The following RNFT2 variants were observed in gnomAD, a reference collection of about 807,000 sequenced individuals.
RNFT2 encodes E3 ubiquitin-protein ligase RNFT2.
A neutral mutation model predicts 53.0 loss-of-function variants in RNFT2; 36 were observed. The observed-to-expected ratio is 0.68, with a 90% CI of 0.52 to 0.90. The LOEUF is 0.90. RNFT2 is among the 40% of genes least tolerant of loss of function. The pLI is 0.00. For synonymous variants in RNFT2, 260 were observed against 253.2 expected, an observed-to-expected ratio of 1.03 and a Z score of -0.26; for missense variants, 514 against 585.6, an observed-to-expected ratio of 0.88 and a Z score of 1.26.
chr12:116,746,679 A>G (rs7312638), intron 3 of RNFT2, among the ~76,000 whole-genome samples: 115,615 of 151,990 alleles, frequency 0.76, 44,229 homozygotes, highest in East Asian at 0.99. Context: ...TGGAGTTTGG[A>G]GTCAAATAAT....
chr12:116,822,772 C>T (rs188933061), intron 7 of RNFT2, among the ~76,000 whole-genome samples: 10 of 152,094 alleles, frequency 6.6e-5, no homozygotes, highest in African/African-American at 1.9e-4. Flanking sequence ...GAGGCTGAGG[C>T]GGGCAGATCA....
At chr12:116,762,030 A>G (rs947675711) in intron 5 of RNFT2, among the ~76,000 whole-genome samples, 2 of 133,362 alleles carry the variant, frequency 1.5e-5, no homozygotes, top group Non-Finnish European at 3.1e-5. Flanking sequence ...TCACACCACC[A>G]CCCTCCAACC....
chr12:116,809,343 G>T (rs1227210806), intron 7 of RNFT2, among the ~76,000 whole-genome samples: 3 of 152,176 alleles, frequency 2.0e-5, no homozygotes, highest in African/African-American at 7.2e-5. Flanking sequence ...GAGAGGAGAG[G>T]TCCTTCCACT....
chr12:116,777,508 T>G (rs900138730), intron 6 of RNFT2, among the ~76,000 whole-genome samples: 1 of 152,206 alleles, frequency 6.6e-6, no homozygotes, highest in East Asian at 1.9e-4. Flanking sequence ...AGGTTTACAC[T>G]ACTCAGCTGT....
chr12:116,786,583 A>G (rs1214116293), intron 7 of RNFT2, among the ~76,000 whole-genome samples: 1 of 152,138 alleles, frequency 6.6e-6, no homozygotes, highest in South Asian at 2.1e-4. Context: ...TTCTGTCTAG[A>G]TTCTTTCTCA....
chr12:116,819,459 A>G (rs1875876325), intron 7 of RNFT2, among the ~76,000 whole-genome samples: 1 of 152,020 alleles, frequency 6.6e-6, no homozygotes, highest in South Asian at 2.1e-4. Context: ...CCATGAGATC[A>G]TGAGATGCCG....
chr12:116,823,422 A>G (rs1876157338), intron 7 of RNFT2, among the ~76,000 whole-genome samples: 1 of 152,214 alleles, frequency 6.6e-6, no homozygotes, highest in Admixed American at 6.5e-5. Context: ...GGTAGCTCAC[A>G]CCTGTAATCC....
intron 7 of RNFT2, among the ~76,000 whole-genome samples, chr12:116,805,121 C>CTTTTTTTTTTTTTTTTTT (rs35830752): frequency 7.0e-6 from 1 of 143,338 alleles, no homozygotes. Flanking sequence ...AAGACATTGT[C>CTTTTTTTTTTTTTTTTTT]TTTTTTTTTT....
In RNFT2 at chr12:116,852,847, G is replaced by T; in HGVS notation, c.*3399G>T. The stretch of plus-strand genomic sequence containing the variant: ...CCAGTGTATTACCTGCTGGAACCAA[G>T]GAAACTAACAATGTAGGTTACTAGT... On this transcript the variant is annotated 3_prime_UTR_variant, in exon 11 of 11. Coordinates refer to ENST00000257575, the MANE Select transcript of RNFT2 (RefSeq NM_001382266.1). The T allele has an allele frequency of 1.3e-6, 1 of 797,022 alleles. No homozygotes were observed. The allele number at this position is 797,022 out of a possible 1,614,324, so 49.4% of individuals were successfully genotyped here.
intron 3 of RNFT2, chr12:116,748,720 AG>A (rs1232826966): frequency 4.5e-6 from 2 of 441,422 alleles, no homozygotes; most frequent in Non-Finnish European, 9.0e-6. Context: ...AAGACTGCAG[AG>A]CCAGCGGTCC....
intron 7 of RNFT2, among the ~76,000 whole-genome samples, chr12:116,826,992 G>A (rs1876369857): frequency 6.6e-6 from 1 of 152,032 alleles, no homozygotes; most frequent in African/African-American, 2.4e-5. Flanking sequence ...AGGCCGAGGC[G>A]GGTGGATCAC....
intron 6 of RNFT2, among the ~76,000 whole-genome samples, chr12:116,769,458 G>T (rs949224790): frequency 9.9e-5 from 15 of 152,182 alleles, no homozygotes; most frequent in Non-Finnish European, 2.2e-4. Flanking sequence ...CTTCCAGTGG[G>T]ACAAGATGTG....
chr12:116,847,120 GCTGGT>G (rs1263383437), intron 10 of RNFT2, among the ~76,000 whole-genome samples: 1 of 151,974 alleles, frequency 6.6e-6, no homozygotes, highest in Non-Finnish European at 1.5e-5. Flanking sequence ...TGTTGGCCAG[GCTGGT>G]CTGAAACTCC....
At position 116,800,812 on chromosome 12, in the gene RNFT2, T is replaced by TTAAAATAAAATAAAATAAAATAAAA. The variant is rs3069310; in HGVS notation, c.882+21490_882+21514dup. 4.4e-3 allele frequency among the ~76,000 whole-genome samples: 511 copies of TTAAAATAAAATAAAATAAAATAAAA among 114,856 alleles called. 7 individuals carry two copies. The highest frequency in any genetic ancestry group is 6.8e-3 in the Non-Finnish European group (385 of 56,874). 75.3% of individuals were successfully genotyped at this position (114,856 alleles called of 152,430 possible). On this transcript the variant is annotated intron_variant, in intron 7 of 10. Transcript: ENST00000257575. The stretch of plus-strand genomic sequence containing the variant: ...CCAGGTGACAGAGCAAGACTCCATC[T>TTAAAATAAAATAAAATAAAATAAAA]TAAAATAAAATAAAATAAAATAAAA...
At chr12:116,775,633 C>T (rs1387151683) in intron 6 of RNFT2, among the ~76,000 whole-genome samples, 1 of 152,230 alleles carries the variant, frequency 6.6e-6, no homozygotes. Context: ...ACATTCTTCC[C>T]TTATCTGCCT....
intron 7 of RNFT2, among the ~76,000 whole-genome samples, chr12:116,812,784 T>C (rs951521721): frequency 6.6e-6 from 1 of 152,140 alleles, no homozygotes; most frequent in Non-Finnish European, 1.5e-5. Flanking sequence ...TCCACCTGCC[T>C]TGGCCTCCCA....
At chr12:116,784,224 G>A (rs1260776263) in intron 7 of RNFT2, among the ~76,000 whole-genome samples, 1 of 152,246 alleles carries the variant, frequency 6.6e-6, no homozygotes, top group African/African-American at 2.4e-5. Context: ...AGAGTACAAA[G>A]CTAGACCAAG....
intron 7 of RNFT2, among the ~76,000 whole-genome samples, chr12:116,822,301 T>G (rs756776691): frequency 2.0e-5 from 3 of 152,044 alleles, no homozygotes; most frequent in Non-Finnish European, 2.9e-5. Flanking sequence ...AGGGCCATCA[T>G]TTTGGCAAAT....
chr12:116,794,427 GTC>G (rs1429890543), intron 7 of RNFT2, among the ~76,000 whole-genome samples: 2 of 150,794 alleles, frequency 1.3e-5, no homozygotes, highest in Non-Finnish European at 2.9e-5. Flanking sequence ...GCAAAATCCT[GTC>G]TCTACTAAAA....
Sources: gnomAD v4.1 joint callset for allele counts (sites outside exome capture counted in the v4.1 genomes callset) on GRCh38, gnomAD v4.1.1 for gene constraint, MANE v1.5 for transcripts, NCBI Gene and HGNC (gene_info 2026-07-23, HGNC 2026-07-21) for gene names.